The following NRG3 variants were observed in gnomAD, a reference collection of about 807,000 sequenced individuals.
NRG3 encodes pro-neuregulin-3, membrane-bound isoform.
Under a neutral mutation model 66.9 loss-of-function variants are expected in NRG3, and 31 were observed. The observed-to-expected ratio is 0.46, with a 90% CI of 0.35 to 0.63. The LOEUF is 0.63. Among genes scored for constraint, NRG3 ranks in the 20% least tolerant of loss-of-function variants. The probability of loss-of-function intolerance (pLI) is 0.00; values close to 1 mark genes in which losing one functional copy is unlikely to be tolerated. For synonymous variants in NRG3, 393 were observed against 359.4 expected (o/e 1.09, Z -1.06); for missense variants, 910 against 878.9 (o/e 1.04, Z -0.45).
intron 3 of NRG3, among the ~76,000 whole-genome samples, chr10:82,862,601 C>A (rs989411969): frequency 1.3e-5 from 2 of 152,136 alleles, no homozygotes; most frequent in African/African-American, 4.8e-5. Context: ...ACCCTAGGGG[C>A]TATCTCTGTC....
chr10:82,972,779 C>G (rs1236329119), intron 6 of NRG3, among the ~76,000 whole-genome samples: 1 of 151,972 alleles, frequency 6.6e-6, no homozygotes, highest in African/African-American at 2.4e-5. Context: ...ATTTTATTAT[C>G]TCACCATATA....
chr10:82,329,758 T>A (rs1457216821), intron 1 of NRG3, among the ~76,000 whole-genome samples: 1 of 152,156 alleles, frequency 6.6e-6, no homozygotes, highest in Admixed American at 6.5e-5. Context: ...GTCACTTAAA[T>A]CCCCTTCCAA....
At chr10:82,211,118 C>G (rs868290722) in intron 1 of NRG3, among the ~76,000 whole-genome samples, 2 of 152,060 alleles carry the variant, frequency 1.3e-5, no homozygotes, top group Non-Finnish European at 2.9e-5. Context: ...TTTTCATTCT[C>G]TTTGGAAGAT....
intron 1 of NRG3, among the ~76,000 whole-genome samples, chr10:82,054,108 C>T (rs976218133): frequency 1.3e-5 from 2 of 152,108 alleles, no homozygotes; most frequent in African/African-American, 4.8e-5. Flanking sequence ...GGCTCTTACT[C>T]TGAGGTACAG....
At chr10:81,887,787 A>G (rs751482119) in intron 1 of NRG3, among the ~76,000 whole-genome samples, 3 of 152,128 alleles carry the variant, frequency 2.0e-5, no homozygotes, top group Non-Finnish European at 4.4e-5. Flanking sequence ...TATACTGTGT[A>G]ACAATTAGAA....
intron 2 of NRG3, among the ~76,000 whole-genome samples, chr10:82,677,538 C>T (rs986107354): frequency 6.6e-6 from 1 of 152,084 alleles, no homozygotes; most frequent in Admixed American, 6.5e-5. Context: ...CTTTTCTTCT[C>T]TTATGGCCAT....
intron 1 of NRG3, among the ~76,000 whole-genome samples, chr10:82,214,878 G>A (rs1243033046): frequency 6.6e-6 from 1 of 152,170 alleles, no homozygotes. Flanking sequence ...ACAAAGGAGA[G>A]CAGGGAACTA....
chr10:82,625,834 A>G (rs1196610654), intron 2 of NRG3, among the ~76,000 whole-genome samples: 1 of 152,196 alleles, frequency 6.6e-6, no homozygotes, highest in African/African-American at 2.4e-5. Flanking sequence ...CTAGAGCAAC[A>G]ACTATGATGC....
chr10:82,146,483 T>C (rs981719202), intron 1 of NRG3, among the ~76,000 whole-genome samples: 3 of 152,152 alleles, frequency 2.0e-5, no homozygotes, highest in Non-Finnish European at 4.4e-5. Context: ...TGTTGAAATT[T>C]AGGCTTTGTG....
intron 2 of NRG3, among the ~76,000 whole-genome samples, chr10:82,476,626 C>T (rs1485874529): frequency 6.6e-6 from 1 of 152,126 alleles, no homozygotes; most frequent in Non-Finnish European, 1.5e-5. Context: ...TACTGAATGG[C>T]TCTCCTTATA....
chr10:82,746,204 TA>T (rs1046085486), intron 3 of NRG3, among the ~76,000 whole-genome samples: 1 of 152,172 alleles, frequency 6.6e-6, no homozygotes, highest in African/African-American at 2.4e-5. Context: ...TATTTGGTTT[TA>T]ACCATTATGT....
At chr10:81,915,692 A>G (rs1845637528) in intron 1 of NRG3, among the ~76,000 whole-genome samples, 1 of 152,094 alleles carries the variant, frequency 6.6e-6, no homozygotes, top group Non-Finnish European at 1.5e-5. Flanking sequence ...GATGTGGAGG[A>G]CACCTGGAGT....
chr10:82,631,841 C>G (rs949620410), intron 2 of NRG3, among the ~76,000 whole-genome samples: 6 of 152,060 alleles, frequency 3.9e-5, no homozygotes, highest in African/African-American at 1.2e-4. Context: ...GTGGCTCACA[C>G]CTGTCATCCC....
intron 2 of NRG3, among the ~76,000 whole-genome samples, chr10:82,648,563 G>A (rs1169252361): frequency 2.0e-5 from 3 of 152,188 alleles, no homozygotes; most frequent in South Asian, 2.1e-4. Flanking sequence ...GTAGCTTGAT[G>A]GGGATGGCAT....
At chr10:82,569,121 A>G (rs548453558) in intron 2 of NRG3, among the ~76,000 whole-genome samples, 1 of 151,778 alleles carries the variant, frequency 6.6e-6, no homozygotes, top group Non-Finnish European at 1.5e-5. Flanking sequence ...ATGATGTAGC[A>G]TTATAGCCTG....
At chr10:82,290,319 C>T (rs557242898) in intron 1 of NRG3, among the ~76,000 whole-genome samples, 1 of 152,238 alleles carries the variant, frequency 6.6e-6, no homozygotes, top group African/African-American at 2.4e-5. Context: ...TTTATTTGTT[C>T]AGTGCTCTCA....
intron 1 of NRG3, among the ~76,000 whole-genome samples, chr10:82,311,759 C>T (rs763294750): frequency 6.6e-6 from 1 of 152,116 alleles, no homozygotes; most frequent in Admixed American, 6.6e-5. Context: ...TGCCACCACT[C>T]CCCCAGTTTC....
intron 3 of NRG3, among the ~76,000 whole-genome samples, chr10:82,847,477 A>C (rs952630071): frequency 6.6e-6 from 1 of 152,212 alleles, no homozygotes; most frequent in African/African-American, 2.4e-5. Flanking sequence ...AAACATAGAA[A>C]TGTTAAGTAA....
At chr10:82,232,652 T>C (rs370072096) in intron 1 of NRG3, 1 of 649,580 alleles carries the variant, frequency 1.5e-6, no homozygotes, top group South Asian at 1.8e-5. Flanking sequence ...AAATTTTGTT[T>C]TGTATACATT....
Sources: allele counts gnomAD v4.1 joint callset (sites outside exome capture counted in the v4.1 genomes callset), GRCh38; gene constraint gnomAD v4.1.1; transcripts MANE v1.5; gene names NCBI Gene and HGNC (gene_info 2026-07-23, HGNC 2026-07-21).